The following DYNC2H1 variants were observed in gnomAD, a reference collection of about 807,000 sequenced individuals.
DYNC2H1 encodes cytoplasmic dynein 2 heavy chain 1.
A neutral mutation model predicts 570.0 loss-of-function variants in DYNC2H1; 410 were observed. That is an observed-to-expected ratio of 0.72 (90% CI 0.66 to 0.78). The LOEUF is 0.78. Among genes scored for constraint, DYNC2H1 ranks in the 30% least tolerant of loss-of-function variants. The pLI is 0.00. For missense variants in DYNC2H1, 4,865 were observed against 5,046.4 expected (o/e 0.96, Z 1.09); for synonymous variants, 1,688 against 1,677.6 (o/e 1.01, Z -0.15).
chr11:103,148,186 CTTCTTT>C (rs1302798390), intron 19 of DYNC2H1, among the ~76,000 whole-genome samples: 1 of 152,098 alleles, frequency 6.6e-6, no homozygotes, highest in Non-Finnish European at 1.5e-5. Context: ...ACCACAGTTT[CTTCTTT>C]TTCTTTAAAA....
At chr11:103,178,373 G>A (rs11225581) in intron 38 of DYNC2H1, among the ~76,000 whole-genome samples, 5,114 of 152,038 alleles carry the variant, frequency 0.034, 292 homozygotes, top group African/African-American at 0.12. Flanking sequence ...GTAAGTGAAA[G>A]CATTGGAAGG....
intron 83 of DYNC2H1, among the ~76,000 whole-genome samples, chr11:103,368,351 T>C (rs1941004281): frequency 6.6e-6 from 1 of 152,198 alleles, no homozygotes. Flanking sequence ...CTCTGATTAA[T>C]GATGTACATT....
Position 103,324,312 on chromosome 11 carries a change from T to A in DYNC2H1, c.12039+322T>A, listed in dbSNP as rs1938361337. On this transcript the variant is annotated intron_variant, in intron 82 of 88. Coordinates refer to ENST00000375735, the MANE Select transcript of DYNC2H1 (RefSeq NM_001377.3). This position sits in a 1 kb window ranked among gnomAD's most constrained non-coding sequence, Gnocchi z 5.2. ...TGCCCAACAGGTAATTTTTCGATCC[T>A]CCCTCTCCTCTCACCCTCCACCCTC... is the stretch of plus-strand genomic sequence containing the variant. Among the ~76,000 whole-genome samples, 1 of 152,148 alleles carries A rather than the reference T, an allele frequency of 6.6e-6. No individual in the cohort carries two copies.
intron 65 of DYNC2H1, among the ~76,000 whole-genome samples, chr11:103,251,319 G>C (rs1273705340): frequency 2.0e-5 from 3 of 152,020 alleles, no homozygotes; most frequent in African/African-American, 7.2e-5. Flanking sequence ...TCTGATATTA[G>C]AGTGGTTACA....
At position 103,400,907 on chromosome 11, in the gene DYNC2H1, A is replaced by G. The variant is rs531515008; in HGVS notation, c.12366+1035A>G. 3.3e-5 allele frequency among the ~76,000 whole-genome samples: 5 copies of G among 152,266 alleles called. No homozygotes were observed. The East Asian group carries it at 9.6e-4, about 29-fold the overall frequency. On this transcript the variant is annotated intron_variant, in intron 84 of 88. Transcript: ENST00000375735. ...TTTGCATTGTTTTTTCTTTGTACAT[A>G]CATTGCCGTCTCTGTTAATCAACCA...
At chr11:103,134,710 G>A (rs893593441) in intron 15 of DYNC2H1, among the ~76,000 whole-genome samples, 3 of 151,806 alleles carry the variant, frequency 2.0e-5, no homozygotes. Flanking sequence ...TCACTTATTA[G>A]TTCTCTTCTA....
chr11:103,445,854 A>G (rs1310388327), intron 85 of DYNC2H1, among the ~76,000 whole-genome samples: 4 of 151,998 alleles, frequency 2.6e-5, no homozygotes, highest in Non-Finnish European at 5.9e-5. Context: ...GGGTTTCACC[A>G]TGTTAGCCAG....
Position 103,145,692 on chromosome 11 carries a change from G to A in DYNC2H1, c.2703-2080G>A, listed in dbSNP as rs1225091018. ...TACAAACATACACATTTATTTCATC[G>A]GTACTTTTTGGAAATGCTGTAAGAT... On this transcript the variant is annotated intron_variant, in intron 18 of 88. Coordinates refer to ENST00000375735, the MANE Select transcript of DYNC2H1 (RefSeq NM_001377.3). This position sits in a 1 kb window ranked among gnomAD's most constrained non-coding sequence, Gnocchi z 4.2. Among the ~76,000 whole-genome samples, 4 of 151,942 alleles carry A rather than the reference G, an allele frequency of 2.6e-5. No homozygotes were observed. The highest frequency in any genetic ancestry group is 4.4e-5 in the Non-Finnish European group (3 of 68,002).
At chr11:103,132,700 A>G (rs1448783495) in intron 13 of DYNC2H1, among the ~76,000 whole-genome samples, 2 of 151,656 alleles carry the variant, frequency 1.3e-5, no homozygotes, top group Non-Finnish European at 2.9e-5. Flanking sequence ...TGGGCCCTAC[A>G]GTACCAAAGT....
At chr11:103,180,514 G>A (rs1861807097) in intron 39 of DYNC2H1, among the ~76,000 whole-genome samples, 1 of 151,652 alleles carries the variant, frequency 6.6e-6, no homozygotes, top group Admixed American at 6.6e-5. Context: ...CATAATGAAT[G>A]TATATGATTT....
At position 103,280,949 on chromosome 11, in the gene DYNC2H1, C is replaced by G. The variant is rs1866104529; in HGVS notation, c.10761+536C>G. 6.6e-6 allele frequency among the ~76,000 whole-genome samples: 1 copy of G among 151,884 alleles called. No individual in the cohort carries two copies. The highest frequency in any genetic ancestry group is 1.5e-5 in the Non-Finnish European group (1 of 67,896). ...CCTTCTCAAACTTTAAAAGGACCTC[C>G]CTTGAGCTGGAGCTAACGAGACCAT... On this transcript the variant is annotated intron_variant, in intron 71 of 88. Coordinates refer to ENST00000375735, the MANE Select transcript of DYNC2H1 (RefSeq NM_001377.3). The surrounding 1 kb of genome is among the most constrained non-coding windows in gnomAD (Gnocchi z 4.7).
At chr11:103,427,601 C>T (rs1387175737) in intron 84 of DYNC2H1, among the ~76,000 whole-genome samples, 1 of 152,112 alleles carries the variant, frequency 6.6e-6, no homozygotes, top group Non-Finnish European at 1.5e-5. Flanking sequence ...GATCAAAGGG[C>T]TGGCAGATCT....
intron 60 of DYNC2H1, among the ~76,000 whole-genome samples, chr11:103,231,864 G>C (rs543121913): frequency 7.9e-5 from 12 of 151,754 alleles, no homozygotes; most frequent in South Asian, 2.1e-4. Flanking sequence ...CTCTCTCTGT[G>C]TGTGTGTTTC....
At chr11:103,263,022 C>CAAAAAAAGAAAAAA (rs1865367266) in intron 70 of DYNC2H1, among the ~76,000 whole-genome samples, 1 of 39,968 alleles carries the variant, frequency 2.5e-5, no homozygotes, top group Non-Finnish European at 4.3e-5. Flanking sequence ...AAATGGAAAG[C>CAAAAAAAGAAAAAA]AAAAAAAAAA....
chr11:103,378,540 T>C (rs965139471), intron 83 of DYNC2H1, among the ~76,000 whole-genome samples: 5 of 152,214 alleles, frequency 3.3e-5, no homozygotes, highest in Non-Finnish European at 7.3e-5. Flanking sequence ...GGTTTTTAAT[T>C]TCAGGAGGTT....
chr11:103,115,143 C>A, intron 3 of DYNC2H1, 34 bp from the exon 4 acceptor site: 1 of 1,483,304 alleles, frequency 6.7e-7, no homozygotes, highest in Non-Finnish European at 9.3e-7. Flanking sequence ...CTCTGATATT[C>A]TATGCCATTT....
At chr11:103,121,351 T>C (rs2134717299) in intron 9 of DYNC2H1, 21 bp from the exon 10 acceptor site, 2 of 1,571,196 alleles carry the variant, frequency 1.3e-6, no homozygotes, top group Middle Eastern at 1.7e-4. Flanking sequence ...TGTAATCATT[T>C]ATTTGATTTA....
At chr11:103,308,298 G>A (rs1323680647) in intron 78 of DYNC2H1, among the ~76,000 whole-genome samples, 1 of 152,090 alleles carries the variant, frequency 6.6e-6, no homozygotes. Flanking sequence ...TTAACATAAT[G>A]TCCTCAAGGT....
At chr11:103,288,434 T>C (rs1866438397) in intron 75 of DYNC2H1, among the ~76,000 whole-genome samples, 1 of 152,018 alleles carries the variant, frequency 6.6e-6, no homozygotes. Flanking sequence ...GGAAGGAATT[T>C]AGTTTATGGT....
Sources: gnomAD v4.1 joint callset for allele counts (sites outside exome capture counted in the v4.1 genomes callset) on GRCh38, gnomAD v4.1.1 for gene constraint, Gnocchi (gnomAD v3.1) non-coding constraint, MANE v1.5 for transcripts, NCBI Gene and HGNC (gene_info 2026-07-23, HGNC 2026-07-21) for gene names.